Variants in ZNF438 observed in about 807,000 individuals in gnomAD.
ZNF438 encodes the protein zinc finger protein 438.
Under a neutral mutation model 38.0 loss-of-function variants are expected in ZNF438, and 25 were observed. The observed-to-expected ratio is 0.66, with a 90% CI of 0.48 to 0.92. The LOEUF is 0.92. Ranked by LOEUF, ZNF438 falls within the 40% of genes least tolerant of loss-of-function variation. The probability of loss-of-function intolerance (pLI) is 0.00; values close to 1 mark genes in which losing one functional copy is unlikely to be tolerated. For missense variants in ZNF438, 1,007 were observed against 999.6 expected, an observed-to-expected ratio of 1.01 and a Z score of -0.10; for synonymous variants, 372 against 364.1, an observed-to-expected ratio of 1.02 and a Z score of -0.25.
chr10:30,983,391 G>A (rs1293950614), intron 1 of ZNF438, among the ~76,000 whole-genome samples: 1 of 152,242 alleles, frequency 6.6e-6, no homozygotes, highest in East Asian at 1.9e-4. Context: ...AGGCAAAGGG[G>A]AAGCAGGTAC....
intron 1 of ZNF438, among the ~76,000 whole-genome samples, chr10:31,010,509 T>A (rs2133061490): frequency 6.6e-6 from 1 of 152,298 alleles, no homozygotes; most frequent in Non-Finnish European, 1.5e-5. Flanking sequence ...CCTTAAAAAT[T>A]GTACACAAAT....
chr10:31,026,301 G>GC (rs2056936243), intron 1 of ZNF438, among the ~76,000 whole-genome samples: 1 of 152,102 alleles, frequency 6.6e-6, no homozygotes, highest in Admixed American at 6.5e-5. Flanking sequence ...GAGTGAACAG[G>GC]CAACCTACAG....
At chr10:30,942,059 T>C (rs1489282769) in intron 1 of ZNF438, among the ~76,000 whole-genome samples, 3 of 152,154 alleles carry the variant, frequency 2.0e-5, no homozygotes. Flanking sequence ...CAGGCAAACA[T>C]GAAAAACTCT....
chr10:30,998,741 C>G (rs1240322386), intron 1 of ZNF438, among the ~76,000 whole-genome samples: 1 of 152,012 alleles, frequency 6.6e-6, no homozygotes, highest in African/African-American at 2.4e-5. Context: ...ACACCGATCT[C>G]TTTTACTTTC....
At chr10:30,987,946 T>C (rs901881908) in intron 1 of ZNF438, among the ~76,000 whole-genome samples, 1 of 152,216 alleles carries the variant, frequency 6.6e-6, no homozygotes, top group African/African-American at 2.4e-5. Context: ...ATGGCGAACT[T>C]ACTTTTTTAC....
intron 2 of ZNF438, among the ~76,000 whole-genome samples, chr10:30,916,630 T>C (rs1479975347): frequency 3.3e-5 from 5 of 152,064 alleles, no homozygotes; most frequent in Non-Finnish European, 7.4e-5. Flanking sequence ...GTTGGAATCA[T>C]ATTGGAAGTA....
intron 1 of ZNF438, among the ~76,000 whole-genome samples, chr10:31,004,211 C>T (rs2054914992): frequency 6.6e-6 from 1 of 152,158 alleles, no homozygotes; most frequent in South Asian, 2.1e-4. Flanking sequence ...CATCCCCTGA[C>T]ACTGAAAAAA....
chr10:30,899,024 G>C (rs2041686857), intron 3 of ZNF438, among the ~76,000 whole-genome samples: 1 of 152,038 alleles, frequency 6.6e-6, no homozygotes, highest in African/African-American at 2.4e-5. Context: ...GATTAGTTAA[G>C]GTCCCGTTAT....
chr10:31,027,304 G>A (rs372339911), intron 1 of ZNF438, among the ~76,000 whole-genome samples: 13 of 151,562 alleles, frequency 8.6e-5, no homozygotes, highest in African/African-American at 3.2e-4. Flanking sequence ...ACTATCACTG[G>A]GCTAGACACA....
At chr10:31,013,387 C>G (rs1397935185) in intron 1 of ZNF438, among the ~76,000 whole-genome samples, 2 of 152,148 alleles carry the variant, frequency 1.3e-5, no homozygotes, top group Non-Finnish European at 2.9e-5. Flanking sequence ...CCTCAGCAGA[C>G]CCTTCTCACT....
intron 3 of ZNF438, among the ~76,000 whole-genome samples, chr10:30,882,177 T>C (rs1227583486): frequency 6.6e-6 from 1 of 152,128 alleles, no homozygotes; most frequent in African/African-American, 2.4e-5. Flanking sequence ...AGAAATTGTA[T>C]ATAAAAACTC....
At chr10:30,887,667 C>T (rs751135922) in intron 3 of ZNF438, among the ~76,000 whole-genome samples, 2 of 152,182 alleles carry the variant, frequency 1.3e-5, no homozygotes, top group African/African-American at 2.4e-5. Context: ...GGATTACAGG[C>T]GTGAGCCACC....
chr10:30,990,958 G>GA (rs1403815121), intron 1 of ZNF438, among the ~76,000 whole-genome samples: 3 of 151,278 alleles, frequency 2.0e-5, no homozygotes, highest in African/African-American at 4.8e-5. Context: ...AATTTAACTG[G>GA]AAAAAAAATT....
rs182930089 is a variant in ZNF438 at position 30,845,676 on chromosome 10, C to T, written c.1875-103G>A. The T allele has an allele frequency of 1.3e-4, 182 of 1,383,068 alleles. 1 individual carries two copies. In the Admixed American group the frequency reaches 3.2e-3, roughly 24 times the overall value. 85.7% of individuals were successfully genotyped at this position (1,383,068 alleles called of 1,614,324 possible). On this transcript the variant is annotated intron_variant, in intron 5 of 5. Coordinates refer to ENST00000413025, the Ensembl canonical transcript of ZNF438. ...TCAGGGATCTAAAACATAACACTGACGAGAAAGACAAGGGCTGGGGTAAAC... is the reference window on the plus strand; with the variant it reads ...TCAGGGATCTAAAACATAACACTGATGAGAAAGACAAGGGCTGGGGTAAAC...
intron 1 of ZNF438, among the ~76,000 whole-genome samples, chr10:30,974,343 C>T (rs1341888835): frequency 6.6e-6 from 1 of 152,156 alleles, no homozygotes; most frequent in East Asian, 1.9e-4. Context: ...GCTGGTGATG[C>T]GTGCCTGTAG....
intron 1 of ZNF438, among the ~76,000 whole-genome samples, chr10:31,028,576 A>C (rs2057086874): frequency 6.6e-6 from 1 of 152,134 alleles, no homozygotes; most frequent in South Asian, 2.1e-4. Context: ...CCATCTCACA[A>C]GTCATGGAAG....
At chr10:30,857,262 T>C (rs901909904) in intron 4 of ZNF438, among the ~76,000 whole-genome samples, 3 of 150,692 alleles carry the variant, frequency 2.0e-5, no homozygotes, top group South Asian at 4.2e-4. Context: ...AAATTTCTTT[T>C]TTTTTTTTTT....
At chr10:30,942,563 T>C (rs1281544715) in intron 1 of ZNF438, among the ~76,000 whole-genome samples, 1 of 152,196 alleles carries the variant, frequency 6.6e-6, no homozygotes, top group Non-Finnish European at 1.5e-5. Context: ...ATCACCAACA[T>C]TCAGTGATAT....
intron 1 of ZNF438, among the ~76,000 whole-genome samples, chr10:31,013,250 C>T (rs1407747404): frequency 6.6e-6 from 1 of 151,774 alleles, no homozygotes; most frequent in Non-Finnish European, 1.5e-5. Flanking sequence ...ACCCGGGAGG[C>T]GGAGCTTGCA....
Sources: allele counts gnomAD v4.1 joint callset (sites outside exome capture counted in the v4.1 genomes callset), GRCh38; gene constraint gnomAD v4.1.1; transcripts MANE v1.5; gene names NCBI Gene and HGNC (gene_info 2026-07-23, HGNC 2026-07-21).